Variants in JAKMIP3 observed in about 807,000 individuals in gnomAD.
JAKMIP3 encodes janus kinase and microtubule-interacting protein 3.
Under a neutral mutation model 118.5 loss-of-function variants are expected in JAKMIP3, and 58 were observed. The observed-to-expected ratio is 0.49, with a 90% CI of 0.40 to 0.61. JAKMIP3 has a LOEUF of 0.61. Ranked by LOEUF, JAKMIP3 falls within the 20% of genes least tolerant of loss-of-function variation. The pLI, the probability that JAKMIP3 is intolerant of heterozygous loss-of-function variation, is 0.00. For synonymous variants in JAKMIP3, 486 were observed against 451.2 expected, an observed-to-expected ratio of 1.08 and a Z score of -0.98; for missense variants, 950 against 1,109.0, an observed-to-expected ratio of 0.86 and a Z score of 2.04.
At chr10:132,082,742 C>G (rs1335573353) in intron 1 of JAKMIP3, among the ~76,000 whole-genome samples, 4 of 152,106 alleles carry the variant, frequency 2.6e-5, no homozygotes, top group African/African-American at 9.7e-5. Flanking sequence ...TCCCGAGTAG[C>G]TGGGACTACA....
chr10:132,125,243 TG>T (rs2049298217), intron 3 of JAKMIP3, among the ~76,000 whole-genome samples: 1 of 151,240 alleles, frequency 6.6e-6, no homozygotes, highest in Admixed American at 6.5e-5. Flanking sequence ...GTTCGGTTTT[TG>T]TGAGTGGTTT....
At chr10:132,131,763 T>G (rs2050670143) in intron 3 of JAKMIP3, among the ~76,000 whole-genome samples, 1 of 151,984 alleles carries the variant, frequency 6.6e-6, no homozygotes, top group Admixed American at 6.5e-5. Flanking sequence ...GGGAGCCCTC[T>G]CAGTCCGGAA....
At position 132,044,421 on chromosome 10, in the gene JAKMIP3, A is replaced by G. The variant is rs1457543552; in HGVS notation, c.-138+7683A>G. On this transcript the variant is annotated intron_variant, in intron 1 of 23. Coordinates refer to the JAKMIP3 transcript ENST00000657785. The surrounding 1 kb of genome is among the most constrained non-coding windows in gnomAD (Gnocchi z 5.3). ...CAACGAGTTGTCACAATTCTGCAAG[A>G]GCTCGTGACGGGAGCTCACCAGTCT... is the stretch of plus-strand genomic sequence containing the variant. Among the ~76,000 whole-genome samples the G allele has an allele frequency of 1.3e-5, 2 of 152,144 alleles. No individual in the cohort carries two copies. The highest frequency in any genetic ancestry group is 2.9e-5 in the Non-Finnish European group (2 of 68,028).
At chr10:132,075,120 A>G (rs1368563000) in intron 1 of JAKMIP3, among the ~76,000 whole-genome samples, 1 of 152,176 alleles carries the variant, frequency 6.6e-6, no homozygotes, top group Admixed American at 6.5e-5. Context: ...TGATGCCTCC[A>G]GCTTTGTTCT....
At chr10:132,098,734 G>A (rs975254045) in intron 1 of JAKMIP3, among the ~76,000 whole-genome samples, 5 of 152,184 alleles carry the variant, frequency 3.3e-5, no homozygotes, top group Non-Finnish European at 7.3e-5. Context: ...GGTCTTTACC[G>A]TGACCTCTGG....
rs1299215249 is a variant in JAKMIP3 at position 132,070,213 on chromosome 10, T to C, written c.-138+4152T>C. Among the ~76,000 whole-genome samples, 3 of 152,256 alleles carry C rather than the reference T, an allele frequency of 2.0e-5. No individual in the cohort carries two copies. In the East Asian group the frequency reaches 5.8e-4, roughly 29 times the overall value. On this transcript the variant is annotated intron_variant, in intron 1 of 23. Coordinates refer to ENST00000684848, the MANE Select transcript of JAKMIP3 (RefSeq NM_001323087.2). ...CCCAGGCTGGGGTGCAGTGGCGCGT[T>C]CTTGGCTTACTGCAACCTCTGCCTC...
intron 3 of JAKMIP3, among the ~76,000 whole-genome samples, chr10:132,127,167 C>G (rs1037626693): frequency 6.7e-6 from 1 of 149,624 alleles, no homozygotes; most frequent in African/African-American, 2.5e-5. Context: ...AAAATAGATT[C>G]TTCAAGGAGT....
chr10:132,122,259 C>G (rs1281296552), intron 3 of JAKMIP3, among the ~76,000 whole-genome samples: 1 of 151,876 alleles, frequency 6.6e-6, no homozygotes, highest in African/African-American at 2.4e-5. Flanking sequence ...GACTGCCCCC[C>G]GGTCGGCTCC....
At chr10:132,037,792 G>C (rs1017864169) in intron 1 of JAKMIP3, among the ~76,000 whole-genome samples, 1 of 152,232 alleles carries the variant, frequency 6.6e-6, no homozygotes, top group Non-Finnish European at 1.5e-5. Context: ...CTGGCCAAGC[G>C]CATATCTGGT....
intron 2 of JAKMIP3, among the ~76,000 whole-genome samples, chr10:132,116,812 C>T (rs1418903960): frequency 2.4e-5 from 3 of 126,656 alleles, no homozygotes; most frequent in South Asian, 2.7e-4. Context: ...GCATCATGGA[C>T]GCTCCCCCCG....
intron 13 of JAKMIP3, among the ~76,000 whole-genome samples, chr10:132,146,802 G>A (rs1038395967): frequency 6.6e-6 from 1 of 152,182 alleles, no homozygotes; most frequent in African/African-American, 2.4e-5. Flanking sequence ...CATGTTTCCC[G>A]TGGACACACG....
intron 1 of JAKMIP3, among the ~76,000 whole-genome samples, chr10:132,047,619 C>G (rs377207566): frequency 6.8e-4 from 79 of 116,736 alleles, no homozygotes; most frequent in Admixed American, 5.0e-4. Context: ...CTCCTCCTGA[C>G]CCAGGGTCCC....
In JAKMIP3 at chr10:132,167,282, G is replaced by A. The variant is rs558322241; in HGVS notation, c.*22+227G>A. Among the ~76,000 whole-genome samples the A allele has an allele frequency of 2.6e-5, 4 of 152,318 alleles. No homozygotes were observed. In the East Asian group the frequency reaches 7.7e-4, roughly 29 times the overall value. ...TCTTCCACTGTAGAGGCCGCAAGGTGCTCACCTTTCCTGAACGGGAAGGAG... is the reference window on the plus strand; with the variant it reads ...TCTTCCACTGTAGAGGCCGCAAGGTACTCACCTTTCCTGAACGGGAAGGAG... On this transcript the variant is annotated intron_variant, in intron 22 of 23. Coordinates refer to ENST00000684848, the MANE Select transcript of JAKMIP3 (RefSeq NM_001323087.2).
intron 16 of JAKMIP3, 140 bp from the exon 17 acceptor site, chr10:132,152,818 T>C: frequency 1.6e-6 from 1 of 632,346 alleles, no homozygotes. Context: ...GAGATGTCAG[T>C]CAAAGCACTT....
At chr10:132,145,784 G>C (rs2054483456) in intron 13 of JAKMIP3, among the ~76,000 whole-genome samples, 1 of 152,134 alleles carries the variant, frequency 6.6e-6, no homozygotes, top group African/African-American at 2.4e-5. Flanking sequence ...GCTGGGGCCT[G>C]TTCTCCTGGG....
Position 132,149,989 on chromosome 10 carries a change from T to A in JAKMIP3, c.1955T>A (p.Val652Glu). 1 of 1,575,396 alleles carries A rather than the reference T, an allele frequency of 6.3e-7. No individual in the cohort carries two copies. Among genetic ancestry groups the A allele is most frequent in the Non-Finnish European group, 8.6e-7 (1 of 1,166,950 alleles). The change falls in exon 16 of 24, where the codon GTG becomes GAG. Residue 652 changes from valine (V) to glutamate (E), a missense_variant. Val to Glu is a moderately radical substitution (Grantham distance 121). Transcript: ENST00000684848. ...CTGTCCTCTGTGCCTTAGGACATTG[T>A]GGTTGCGGAGCTGATGAAGAAGCTG... is the stretch of plus-strand genomic sequence containing the variant. ...YCEAEGVTDIVVAELMKKLDI... is the reference protein window; with the variant it reads ...YCEAEGVTDIEVAELMKKLDI...
chr10:132,168,051 C>G lies in JAKMIP3; in HGVS notation c.*121C>G. ...TCCTGAAGACCCAGGGAGATTTGGT[C>G]TCTGCACGCCCGTCCCGTGGAGGAA... On this transcript the variant is annotated 3_prime_UTR_variant, in exon 23 of 24. Transcript: ENST00000684848. 1 of 1,289,624 alleles carries G rather than the reference C, an allele frequency of 7.8e-7. No individual in the cohort carries two copies. The allele number at this position is 1,289,624 out of a possible 1,614,324, so 79.9% of individuals were successfully genotyped here.
chr10:132,062,885 AAAGG>A (rs532928849), upstream of JAKMIP3, among the ~76,000 whole-genome samples: 130 of 152,278 alleles, frequency 8.5e-4, no homozygotes, highest in South Asian at 2.3e-3. Flanking sequence ...AGGGAGGAGA[AAAGG>A]AAGGCAGCCA....
chr10:132,147,328 T>C (rs9419377), intron 13 of JAKMIP3, among the ~76,000 whole-genome samples: 112,008 of 152,238 alleles, frequency 0.74, 41,498 homozygotes, highest in East Asian at 0.93. Flanking sequence ...GCCCCTGCCC[T>C]CATGAGGCTG....
Sources: gnomAD v4.1 joint callset for allele counts (sites outside exome capture counted in the v4.1 genomes callset) on GRCh38, gnomAD v4.1.1 for gene constraint, Gnocchi (gnomAD v3.1) non-coding constraint, MANE v1.5 for transcripts, NCBI Gene and HGNC (gene_info 2026-07-23, HGNC 2026-07-21) for gene names.